Variants in ROR2 observed in about 807,000 individuals in gnomAD.
ROR2 encodes tyrosine-protein kinase transmembrane receptor ROR2.
In ROR2, 33 loss-of-function variants were observed where a neutral mutation model predicts 74.9. The observed-to-expected ratio is 0.44, with a 90% CI of 0.33 to 0.59. The LOEUF (loss-of-function observed/expected upper bound fraction) is 0.59, where lower values mean the gene tolerates loss of function less well. ROR2 is among the 20% of genes least tolerant of loss of function. The pLI, the probability that ROR2 is intolerant of heterozygous loss-of-function variation, is 0.02. For missense variants in ROR2, 1,216 were observed against 1,313.8 expected (o/e 0.93, Z 1.15); for synonymous variants, 586 against 558.7 (o/e 1.05, Z -0.69).
chr9:91,760,451 G>A (rs1825879646), intron 2 of ROR2, among the ~76,000 whole-genome samples: 1 of 152,078 alleles, frequency 6.6e-6, no homozygotes, highest in Non-Finnish European at 1.5e-5. Context: ...GGCTAACACA[G>A]TGAAACCCTG....
chr9:91,790,512 T>TA (rs60624626), intron 1 of ROR2, among the ~76,000 whole-genome samples: 8,537 of 137,426 alleles, frequency 0.062, 468 homozygotes, highest in Admixed American at 0.17. Context: ...CCGTCTCAAT[T>TA]AAAAAAAAAA....
At chr9:91,908,597 G>A (rs1311888652) in intron 1 of ROR2, among the ~76,000 whole-genome samples, 3 of 152,098 alleles carry the variant, frequency 2.0e-5, no homozygotes, top group African/African-American at 7.2e-5. Context: ...CAAGGAATAC[G>A]CCATTACCAG....
At chr9:91,750,048 T>C (rs1490994879) in intron 4 of ROR2, among the ~76,000 whole-genome samples, 2 of 152,170 alleles carry the variant, frequency 1.3e-5, no homozygotes, top group Non-Finnish European at 2.9e-5. Flanking sequence ...ATTACAGGCA[T>C]GTGCCACCAT....
At chr9:91,751,370 A>G (rs947279158) in intron 4 of ROR2, among the ~76,000 whole-genome samples, 1 of 152,252 alleles carries the variant, frequency 6.6e-6, no homozygotes, top group Non-Finnish European at 1.5e-5. Flanking sequence ...CAAGAGACCT[A>G]CATAAAACAG....
intron 1 of ROR2, among the ~76,000 whole-genome samples, chr9:91,783,726 C>T (rs1020257989): frequency 2.0e-4 from 31 of 152,222 alleles, no homozygotes; most frequent in African/African-American, 7.0e-4. Flanking sequence ...GCTCTGCGAG[C>T]CTGGAGGGCA....
chr9:91,731,172 C>G lies in ROR2; in HGVS notation c.938-17G>C. 6.2e-7 allele frequency: 1 copy of G among 1,613,900 alleles called. No individual in the cohort carries two copies. The highest frequency in any genetic ancestry group is 8.5e-7 in the Non-Finnish European group (1 of 1,180,022). ...ACTGATGGTCTGAACAAGGAAAACA[C>G]GTTAGGAAAACCTCCGGGGTACAAC... On this transcript the variant is annotated splice_polypyrimidine_tract_variant and intron_variant, in intron 6 of 8. Coordinates refer to ENST00000375708, the MANE Select transcript of ROR2 (RefSeq NM_004560.4).
chr9:91,765,051 GCTCTTC>G (rs2118885869), intron 2 of ROR2, among the ~76,000 whole-genome samples: 1 of 152,222 alleles, frequency 6.6e-6, no homozygotes, highest in East Asian at 1.9e-4. Flanking sequence ...AGGTCTCAGT[GCTCTTC>G]CTCAAATCTG....
intron 1 of ROR2, among the ~76,000 whole-genome samples, chr9:91,853,425 C>T (rs1829177136): frequency 6.6e-6 from 1 of 152,092 alleles, no homozygotes; most frequent in Admixed American, 6.6e-5. Context: ...CAGAAGGTCC[C>T]GGGAGGTGTG....
rs1563992217 is a variant in ROR2 at position 91,839,720 on chromosome 9, A to ATGTGTGGTG, written c.98-63911_98-63903dup. Among the ~76,000 whole-genome samples the ATGTGTGGTG allele has an allele frequency of 1.3e-5, 2 of 149,474 alleles. 1 individual carries two copies. Among genetic ancestry groups the ATGTGTGGTG allele is most frequent in the South Asian group, 4.3e-4 (2 of 4,688 alleles). On this transcript the variant is annotated intron_variant, in intron 1 of 8. Transcript: ENST00000375708. Reference sequence around the variant, plus strand: ...GTTGTATGTGGTGTGTGTGTGCTGTATGTGTGGTGTGTGTGGTATGTGAGT... The same window carrying ATGTGTGGTG: ...GTTGTATGTGGTGTGTGTGTGCTGTATGTGTGGTGTGTGTGGTGTGTGTGGTATGTGAGT...
At chr9:91,854,929 G>C (rs1829228739) in intron 1 of ROR2, among the ~76,000 whole-genome samples, 1 of 152,134 alleles carries the variant, frequency 6.6e-6, no homozygotes, top group Non-Finnish European at 1.5e-5. Context: ...CCATCAATTA[G>C]AATAATTAGT....
In ROR2 at chr9:91,829,549, C is replaced by CAAAAAAAAAAAAAAAAAAA. The variant is rs34687056; in HGVS notation, c.98-53750_98-53732dup. 1.7e-4 allele frequency among the ~76,000 whole-genome samples: 7 copies of CAAAAAAAAAAAAAAAAAAA among 40,512 alleles called. 1 individual carries two copies. The highest frequency in any genetic ancestry group is 5.9e-4 in the African/African-American group (6 of 10,194). 26.6% of individuals were successfully genotyped at this position (40,512 alleles called of 152,430 possible). On this transcript the variant is annotated intron_variant, in intron 1 of 8. Transcript: ENST00000375708. ...TGGGTGACACAGCGAGACTCCGTCT[C>CAAAAAAAAAAAAAAAAAAA]AAAAAAAAAAAAAAAAAAAAAAAAG... is the stretch of plus-strand genomic sequence containing the variant.
At chr9:91,781,525 G>C (rs1587713190) in intron 1 of ROR2, among the ~76,000 whole-genome samples, 1 of 152,236 alleles carries the variant, frequency 6.6e-6, no homozygotes, top group African/African-American at 2.4e-5. Context: ...ACCTGGGTCA[G>C]GAGAAGTATG....
At chr9:91,790,329 C>A (rs907701873) in intron 1 of ROR2, among the ~76,000 whole-genome samples, 1 of 151,342 alleles carries the variant, frequency 6.6e-6, no homozygotes, top group Admixed American at 6.6e-5. Context: ...ATGAAACCCC[C>A]ATCTCTACTG....
intron 7 of ROR2, among the ~76,000 whole-genome samples, chr9:91,727,245 T>C (rs1320480119): frequency 6.6e-6 from 1 of 152,158 alleles, no homozygotes; most frequent in Non-Finnish European, 1.5e-5. Flanking sequence ...TATCTAATGA[T>C]GACAGATTCT....
intron 1 of ROR2, among the ~76,000 whole-genome samples, chr9:91,942,336 C>T (rs1400507162): frequency 3.3e-5 from 5 of 152,154 alleles, no homozygotes; most frequent in African/African-American, 7.2e-5. Context: ...ATGCAAATCT[C>T]GCCAGTCTAC....
At chr9:91,922,944 A>G (rs1335481044) in intron 1 of ROR2, among the ~76,000 whole-genome samples, 1 of 151,538 alleles carries the variant, frequency 6.6e-6, no homozygotes, top group Non-Finnish European at 1.5e-5. Context: ...CTGTCCTCCA[A>G]CAGACTCACT....
chr9:91,812,572 A>G (rs931746235), intron 1 of ROR2, among the ~76,000 whole-genome samples: 1 of 140,012 alleles, frequency 7.1e-6, no homozygotes, highest in African/African-American at 2.6e-5. Context: ...CACCCCCCCC[A>G]CACACACGTG....
intron 1 of ROR2, among the ~76,000 whole-genome samples, chr9:91,814,970 A>G (rs1563978474): frequency 6.6e-6 from 1 of 152,222 alleles, no homozygotes; most frequent in Non-Finnish European, 1.5e-5. Flanking sequence ...AGTCGGTGAC[A>G]ATGCCTCGAA....
intron 1 of ROR2, among the ~76,000 whole-genome samples, chr9:91,881,815 C>A (rs1252205596): frequency 6.6e-6 from 1 of 152,156 alleles, no homozygotes; most frequent in African/African-American, 2.4e-5. Flanking sequence ...GGCAAAGAAC[C>A]TCCTGAGATG....
Sources: allele counts gnomAD v4.1 joint callset (sites outside exome capture counted in the v4.1 genomes callset), GRCh38; gene constraint gnomAD v4.1.1; transcripts MANE v1.5; gene names NCBI Gene and HGNC (gene_info 2026-07-23, HGNC 2026-07-21).